The following CELF2 variants were observed in gnomAD, a reference collection of about 807,000 sequenced individuals.
CELF2 encodes CUG triplet repeat RNA-binding protein 2.
Under a neutral mutation model 62.6 loss-of-function variants are expected in CELF2, and 8 were observed. That is an observed-to-expected ratio of 0.13 (90% CI 0.07 to 0.23). The LOEUF (loss-of-function observed/expected upper bound fraction) is 0.23, where lower values mean the gene tolerates loss of function less well. CELF2 is among the 10% of genes least tolerant of loss of function. The probability of loss-of-function intolerance (pLI) is 1.00; values close to 1 mark genes in which losing one functional copy is unlikely to be tolerated. For missense variants in CELF2, 333 were observed against 671.0 expected (o/e 0.50, Z 5.56); for synonymous variants, 258 against 250.0 (o/e 1.03, Z -0.30).
intron 2 of CELF2, among the ~76,000 whole-genome samples, chr10:10,951,470 T>C (rs2048312002): frequency 6.6e-6 from 1 of 152,128 alleles, no homozygotes; most frequent in Non-Finnish European, 1.5e-5. Flanking sequence ...TTTTATAGTA[T>C]CAAATATTCA....
chr10:10,579,664 C>A, the CELF2 span, among the ~76,000 whole-genome samples: 2 of 151,928 alleles, frequency 1.3e-5, no homozygotes, highest in Admixed American at 6.6e-5. Context: ...GCAATGTTAC[C>A]CCGGAATAGT....
At chr10:10,748,150 C>A in the CELF2 span, among the ~76,000 whole-genome samples, 5 of 151,980 alleles carry the variant, frequency 3.3e-5, no homozygotes, top group South Asian at 8.3e-4. Flanking sequence ...GAAATAAGTT[C>A]CAATGTTCAA....
the CELF2 span, among the ~76,000 whole-genome samples, chr10:10,755,751 C>T: frequency 2.0e-5 from 3 of 152,302 alleles, no homozygotes; most frequent in South Asian, 4.1e-4. Flanking sequence ...ACTCTTCAAC[C>T]ACGGGTAGGA....
At chr10:10,754,064 T>TTTTTG in the CELF2 span, among the ~76,000 whole-genome samples, 1 of 139,254 alleles carries the variant, frequency 7.2e-6, no homozygotes, top group African/African-American at 2.8e-5. Context: ...TGAGGTGGTT[T>TTTTTG]TTTTTTTTTT....
At position 11,300,053 on chromosome 10, in the gene CELF2, C is replaced by T. The variant is rs993436962; in HGVS notation, c.976+11501C>T. 1.2e-4 allele frequency among the ~76,000 whole-genome samples: 18 copies of T among 152,154 alleles called. No individual in the cohort carries two copies. Among genetic ancestry groups the T allele is most frequent in the African/African-American group, 4.1e-4 (17 of 41,430 alleles). On this transcript the variant is annotated intron_variant, in intron 9 of 12. Transcript: ENST00000633077. The surrounding 1 kb of genome is among the most constrained non-coding windows in gnomAD (Gnocchi z 5.5). ...CTGCCTTTATGAGTGCCCGTCTTCACGGGACTGGGGAAGATGCTAAAAATT... is the reference window on the plus strand; with the variant it reads ...CTGCCTTTATGAGTGCCCGTCTTCATGGGACTGGGGAAGATGCTAAAAATT...
chr10:11,204,190 A>T (rs2059903308), intron 2 of CELF2, among the ~76,000 whole-genome samples: 1 of 152,240 alleles, frequency 6.6e-6, no homozygotes, highest in Non-Finnish European at 1.5e-5. Flanking sequence ...TGGAAGGAAG[A>T]AAAGAAGCTA....
chr10:10,467,465 T>C, the CELF2 span, among the ~76,000 whole-genome samples: 63 of 152,172 alleles, frequency 4.1e-4, 1 homozygote, highest in East Asian at 0.01. Flanking sequence ...TAGTTCCACA[T>C]TGTATTGATT....
intron 2 of CELF2, among the ~76,000 whole-genome samples, chr10:10,987,767 G>GA (rs1271202365): frequency 3.3e-5 from 5 of 151,408 alleles, no homozygotes; most frequent in Admixed American, 6.6e-5. Flanking sequence ...AAATCAGCAA[G>GA]AAAAAAAATA....
intron 4 of CELF2, among the ~76,000 whole-genome samples, chr10:11,254,827 C>G (rs567784356): frequency 6.6e-6 from 1 of 152,072 alleles, no homozygotes; most frequent in East Asian, 1.9e-4. Context: ...GTAGGAGTCT[C>G]GGAGACGAGA....
the CELF2 span, among the ~76,000 whole-genome samples, chr10:10,562,192 C>T: frequency 6.6e-6 from 1 of 152,154 alleles, no homozygotes; most frequent in Admixed American, 6.5e-5. Context: ...ACGAAAACAA[C>T]ACACACACCC....
At chr10:11,275,914 A>G (rs1452553306) in intron 8 of CELF2, among the ~76,000 whole-genome samples, 2 of 152,198 alleles carry the variant, frequency 1.3e-5, no homozygotes, top group African/African-American at 4.8e-5. Flanking sequence ...AGGAACGGTC[A>G]GAGAGCCTTT....
chr10:11,322,452 G>A (rs1467946663), intron 11 of CELF2, among the ~76,000 whole-genome samples: 1 of 152,216 alleles, frequency 6.6e-6, no homozygotes, highest in African/African-American at 2.4e-5. Flanking sequence ...AGCTCCTTTA[G>A]AGCAAAATCT....
intron 1 of CELF2, among the ~76,000 whole-genome samples, chr10:11,162,839 G>A (rs1011005648): frequency 4.6e-5 from 7 of 152,282 alleles, no homozygotes; most frequent in African/African-American, 1.7e-4. Context: ...TTTGTGCCAT[G>A]TCTTGTATTA....
rs545902792 is a variant in CELF2 at position 11,132,563 on chromosome 10, C to T, written c.75-32923C>T. On this transcript the variant is annotated intron_variant, in intron 1 of 12. Coordinates refer to ENST00000633077, the MANE Select transcript of CELF2 (RefSeq NM_001326342.2). ...AATACTCAAAGGATTATGTATTAAA[C>T]AAGACAGGGCCCAATGAAATTGTCT... Among the ~76,000 whole-genome samples, 27 of 152,316 alleles carry T rather than the reference C, an allele frequency of 1.8e-4. No homozygotes were observed. In the South Asian group the frequency reaches 4.8e-3, roughly 27 times the overall value.
intron 1 of CELF2, among the ~76,000 whole-genome samples, chr10:11,035,831 G>C (rs1593645900): frequency 6.6e-6 from 1 of 152,280 alleles, no homozygotes; most frequent in East Asian, 1.9e-4. Flanking sequence ...CTCCCTAAAT[G>C]TTTCTTTTAG....
chr10:10,946,519 C>A (rs1321218689), intron 2 of CELF2: 2 of 152,544 alleles, frequency 1.3e-5, no homozygotes, highest in Non-Finnish European at 2.9e-5. Flanking sequence ...TACCCCTTTT[C>A]TTTCCCTGCA....
intron 1 of CELF2, chr10:11,096,366 C>T (rs1409738015): frequency 6.6e-6 from 1 of 152,206 alleles, no homozygotes; most frequent in Non-Finnish European, 1.5e-5. Flanking sequence ...CTTCACGAAT[C>T]CTTACACTTA....
the CELF2 span, among the ~76,000 whole-genome samples, chr10:10,584,812 A>C: frequency 6.6e-6 from 1 of 152,212 alleles, no homozygotes; most frequent in Non-Finnish European, 1.5e-5. Context: ...CCTGTTGATC[A>C]TTTCAAATGT....
intron 1 of CELF2, among the ~76,000 whole-genome samples, chr10:11,094,621 CTA>C (rs564279441): frequency 1.1e-3 from 173 of 152,250 alleles, no homozygotes; most frequent in African/African-American, 3.9e-3. Context: ...AGAGCTGTGT[CTA>C]TATGTTAAAT....
Sources: gnomAD v4.1 joint callset for allele counts (sites outside exome capture counted in the v4.1 genomes callset) on GRCh38, gnomAD v4.1.1 for gene constraint, Gnocchi (gnomAD v3.1) non-coding constraint, MANE v1.5 for transcripts, NCBI Gene and HGNC (gene_info 2026-07-23, HGNC 2026-07-21) for gene names.